GC: variants seen among roughly 807,000 people sequenced by gnomAD.
GC encodes vitamin D-binding protein.
A neutral mutation model predicts 56.7 loss-of-function variants in GC; 43 were observed. That is an observed-to-expected ratio of 0.76 (90% CI 0.59 to 0.98). The LOEUF is 0.98. Ranked by LOEUF, GC falls within the 50% of genes least tolerant of loss-of-function variation. GC has a pLI of 0.00. For missense variants in GC, 529 were observed against 545.9 expected, an observed-to-expected ratio of 0.97 and a Z score of 0.31; for synonymous variants, 216 against 202.7, an observed-to-expected ratio of 1.07 and a Z score of -0.56.
chr4:71,758,209 T>C, intron 6 of GC, 38 bp from the exon 7 acceptor site: 1 of 1,580,034 alleles, frequency 6.3e-7, no homozygotes, highest in Non-Finnish European at 8.7e-7. Flanking sequence ...CTTATCAACA[T>C]TCTCAGTTTT....
chr4:71,743,958 G>T (rs976979006), intron 12 of GC, among the ~76,000 whole-genome samples: 4 of 152,110 alleles, frequency 2.6e-5, no homozygotes, highest in Non-Finnish European at 5.9e-5. Context: ...CAATTTAGTG[G>T]TACAGAAATC....
At chr4:71,803,437 A>T (rs2149312000) in intron 1 of GC, among the ~76,000 whole-genome samples, 1 of 152,302 alleles carries the variant, frequency 6.6e-6, no homozygotes, top group African/African-American at 2.4e-5. Context: ...CAAGAAGTTA[A>T]TGCATAATCA....
intron 1 of GC, 143 bp from the exon 2 acceptor site, chr4:71,769,543 G>A (rs895470055): frequency 1.7e-5 from 10 of 598,366 alleles, no homozygotes; most frequent in Middle Eastern, 4.5e-4. Context: ...CATATTTTGG[G>A]GGCCTTTCTA....
At chr4:71,742,412 C>T (rs1741212052) in intron 12 of GC, among the ~76,000 whole-genome samples, 1 of 152,176 alleles carries the variant, frequency 6.6e-6, no homozygotes, top group African/African-American at 2.4e-5. Flanking sequence ...GTAAAAAATT[C>T]CATGTTTCAT....
At chr4:71,784,548 A>G (rs1742785921), upstream of GC, among the ~76,000 whole-genome samples, 1 of 151,756 alleles carries the variant, frequency 6.6e-6, no homozygotes, top group Admixed American at 6.6e-5. Context: ...GTAAAAGGGG[A>G]AAAAGAGTGA....
chr4:71,752,304 A>C (rs1247156047), intron 11 of GC, among the ~76,000 whole-genome samples: 3 of 152,210 alleles, frequency 2.0e-5, no homozygotes, highest in Non-Finnish European at 4.4e-5. Flanking sequence ...AAAATTTCCT[A>C]AGTTTTACAA....
At chr4:71,786,569 C>G (rs145983559), upstream of GC, among the ~76,000 whole-genome samples, 1 of 151,816 alleles carries the variant, frequency 6.6e-6, no homozygotes, top group Admixed American at 6.6e-5. Flanking sequence ...TTGAAGTAGC[C>G]TCTTTCCCTC....
chr4:71,802,582 A>C (rs1743277441), intron 1 of GC, among the ~76,000 whole-genome samples: 1 of 152,236 alleles, frequency 6.6e-6, no homozygotes, highest in African/African-American at 2.4e-5. Flanking sequence ...TGCATTTAAT[A>C]CTGTGATAAG....
At chr4:71,779,176 T>C (rs1742598804) in intron 1 of GC, among the ~76,000 whole-genome samples, 1 of 151,868 alleles carries the variant, frequency 6.6e-6, no homozygotes, top group Non-Finnish European at 1.5e-5. Flanking sequence ...TGCCAAGTAA[T>C]GTTCTATTAC....
chr4:71,766,355 C>A (rs949168474), intron 3 of GC, among the ~76,000 whole-genome samples: 4 of 152,148 alleles, frequency 2.6e-5, no homozygotes, highest in African/African-American at 9.7e-5. Context: ...ACCACTGATG[C>A]ACCTGCATTT....
chr4:71,741,959 C>T, intron 12 of GC, 89 bp from the exon 13 acceptor site: 1 of 698,474 alleles, frequency 1.4e-6, no homozygotes, highest in Non-Finnish European at 2.6e-6. Context: ...CATATAAACT[C>T]ATGCTATTTT....
At chr4:71,772,740 G>A (rs1235696756) in intron 1 of GC, among the ~76,000 whole-genome samples, 2 of 152,096 alleles carry the variant, frequency 1.3e-5, no homozygotes, top group Non-Finnish European at 2.9e-5. Flanking sequence ...GGAAGCAAGG[G>A]AGGAAGCTCA....
chr4:71,778,331 T>G (rs754279565), intron 1 of GC, among the ~76,000 whole-genome samples: 3 of 151,990 alleles, frequency 2.0e-5, no homozygotes, highest in Non-Finnish European at 4.4e-5. Flanking sequence ...TTTGTTAATA[T>G]TATTTTCTTT....
rs369345140 is a variant in GC, at chr4:71,746,121, G to A, written c.*25+30C>T. 3.4e-4 allele frequency: 274 copies of A among 804,062 alleles called. 1 individual carries two copies. The highest frequency in any genetic ancestry group is 3.7e-4 in the East Asian group (15 of 40,630). The allele number at this position is 804,062 out of a possible 1,614,324, so 49.8% of individuals were successfully genotyped here. A position where few individuals can be genotyped will look rare whatever the true frequency, so the allele number is the denominator to read the frequency against. On this transcript the variant is annotated intron_variant, in intron 12 of 12. Transcript: ENST00000273951. Reference sequence around the variant, plus strand: ...AAATACATCCTACAATGCTGGATCCGTTGGTCCTGCATTTATAAAATATAC... The same window carrying A: ...AAATACATCCTACAATGCTGGATCCATTGGTCCTGCATTTATAAAATATAC...
chr4:71,798,175 T>A (rs1267499941), intron 1 of GC, among the ~76,000 whole-genome samples: 1 of 152,270 alleles, frequency 6.6e-6, no homozygotes, highest in East Asian at 1.9e-4. Context: ...TTATAGTTCC[T>A]ATTTTGCTGC....
intron 7 of GC, 149 bp from the exon 8 acceptor site, chr4:71,757,063 A>T: frequency 1.6e-6 from 1 of 610,240 alleles, no homozygotes; most frequent in Non-Finnish European, 2.9e-6. Context: ...ATATTTGGAA[A>T]GGCAGTTTGT....
At chr4:71,784,285 A>G, upstream of GC, 1 of 1,143,786 alleles carries the variant, frequency 8.7e-7, no homozygotes, top group Non-Finnish European at 1.1e-6. Context: ...TTTAATCATT[A>G]ACTTTGTCAA....
At chr4:71,796,372 T>C (rs1743105938) in intron 1 of GC, among the ~76,000 whole-genome samples, 1 of 152,206 alleles carries the variant, frequency 6.6e-6, no homozygotes, top group African/African-American at 2.4e-5. Context: ...TGTTTACTCT[T>C]TTTTCTCTTA....
At chr4:71,754,373 G>C in intron 10 of GC, 38 bp downstream of exon 10, 1 of 916,476 alleles carries the variant, frequency 1.1e-6, no homozygotes, top group South Asian at 1.4e-5. Flanking sequence ...AAATATTATT[G>C]ATAAATTTGG....
Sources: gnomAD v4.1 joint callset for allele counts (sites outside exome capture counted in the v4.1 genomes callset) on GRCh38, gnomAD v4.1.1 for gene constraint, MANE v1.5 for transcripts, NCBI Gene and HGNC (gene_info 2026-07-23, HGNC 2026-07-21) for gene names.